The following EPHA6 variants were observed in gnomAD, a reference collection of about 807,000 sequenced individuals.
The protein encoded by EPHA6 is ephrin type-A receptor 6.
A neutral mutation model predicts 112.0 loss-of-function variants in EPHA6; 50 were observed. That is an observed-to-expected ratio of 0.45 (90% CI 0.36 to 0.56). The LOEUF is 0.56. Ranked by LOEUF, EPHA6 falls within the 20% of genes least tolerant of loss-of-function variation. The pLI is 0.00. For missense variants in EPHA6, 1,280 were observed against 1,417.4 expected, an observed-to-expected ratio of 0.90 and a Z score of 1.56; for synonymous variants, 529 against 490.7, an observed-to-expected ratio of 1.08 and a Z score of -1.03.
intron 1 of EPHA6, among the ~76,000 whole-genome samples, chr3:96,817,461 T>C (rs1040878060): frequency 2.0e-5 from 3 of 151,882 alleles, no homozygotes; most frequent in African/African-American, 7.2e-5. Flanking sequence ...CATGGAAAGA[T>C]AAATGTAAAA....
At chr3:97,095,198 C>T (rs535093346) in intron 3 of EPHA6, among the ~76,000 whole-genome samples, 71 of 151,876 alleles carry the variant, frequency 4.7e-4, no homozygotes, top group African/African-American at 8.2e-4. Flanking sequence ...TTTTAATGAT[C>T]GCCATTCTAA....
chr3:97,249,674 C>A (rs924973158), intron 5 of EPHA6, among the ~76,000 whole-genome samples: 1 of 152,084 alleles, frequency 6.6e-6, no homozygotes, highest in Non-Finnish European at 1.5e-5. Flanking sequence ...ATTTGCCTTT[C>A]CACCAATATG....
Position 97,592,738 on chromosome 3 carries a change from G to A in EPHA6, c.2512+1G>A. The stretch of plus-strand genomic sequence containing the variant: ...TCTTTGCCCCCCAGGATTCCTGCTG[G>A]TAGGTATTTCAGGTGAAGTTTTCTG... On this transcript the variant is annotated splice_donor_variant, in intron 12 of 17. Coordinates refer to ENST00000389672, the MANE Select transcript of EPHA6 (RefSeq NM_001080448.3). LOFTEE classifies it high-confidence loss of function. The A allele has an allele frequency of 6.3e-7, 1 of 1,585,386 alleles. No homozygotes were observed.
rs1450678688 is a variant in EPHA6, at chr3:97,592,618, T to C, written c.2393T>C (p.Phe798Ser). 1 of 1,612,996 alleles carries C rather than the reference T, an allele frequency of 6.2e-7. No individual in the cohort carries two copies. The highest frequency in any genetic ancestry group is 1.1e-5 in the South Asian group (1 of 91,048). The stretch of plus-strand genomic sequence containing the variant: ...AATTTTTATCTCTTAAAAGGATCCT[T>C]CCCGGCCATTGGGGTGGAGGCGTTT... ...RLEGVVTKRS[F>S]PAIGVEAFCP... Residue 798 changes from phenylalanine (F) to serine (S), a missense_variant, in exon 12 of 18, where the codon TTC becomes TCC. Physicochemically the swap from Phe to Ser is radical, Grantham distance 155. Around this residue, in one of 4 missense-constraint regions of EPHA6, gnomAD observed 878 missense variants for 999.7 expected, o/e 0.88. Coordinates refer to ENST00000389672, the MANE Select transcript of EPHA6 (RefSeq NM_001080448.3).
intron 16 of EPHA6, among the ~76,000 whole-genome samples, chr3:97,738,011 G>A (rs951265762): frequency 2.0e-5 from 3 of 152,050 alleles, no homozygotes; most frequent in Admixed American, 2.0e-4. Flanking sequence ...AATAAAACAT[G>A]AAATGTCTCC....
intron 5 of EPHA6, among the ~76,000 whole-genome samples, chr3:97,303,931 A>G (rs927730234): frequency 7.2e-5 from 11 of 151,946 alleles, no homozygotes; most frequent in Non-Finnish European, 1.2e-4. Flanking sequence ...GCAGTGATTT[A>G]TAGCTCTTCT....
chr3:97,177,955 A>G (rs1202903109), intron 3 of EPHA6, among the ~76,000 whole-genome samples: 4 of 151,966 alleles, frequency 2.6e-5, no homozygotes, highest in African/African-American at 7.2e-5. Context: ...ATTCAATGTT[A>G]TTATTGATAA....
At position 97,471,565 on chromosome 3, in the gene EPHA6, C is replaced by G. The variant is rs539202723; in HGVS notation, c.1895-3787C>G. On this transcript the variant is annotated intron_variant, in intron 7 of 17. Transcript: ENST00000389672. ...TGGTAAAATGTAGCAGTCTGAATTCCCTAGTAGCTTCTACCTCCCAGAAAG... is the reference window on the plus strand; with the variant it reads ...TGGTAAAATGTAGCAGTCTGAATTCGCTAGTAGCTTCTACCTCCCAGAAAG... 7.9e-5 allele frequency among the ~76,000 whole-genome samples: 12 copies of G among 151,750 alleles called. No homozygotes were observed. The South Asian group carries it at 2.5e-3, about 31-fold the overall frequency.
intron 1 of EPHA6, among the ~76,000 whole-genome samples, chr3:96,826,794 C>T (rs2033690507): frequency 6.6e-6 from 1 of 152,028 alleles, no homozygotes; most frequent in Non-Finnish European, 1.5e-5. Context: ...AGTTTTTTCA[C>T]TTTTCTTTTC....
chr3:97,261,335 TGA>T (rs1284319631), intron 5 of EPHA6, among the ~76,000 whole-genome samples: 2 of 152,180 alleles, frequency 1.3e-5, no homozygotes, highest in African/African-American at 4.8e-5. Context: ...GTGAGAGGTT[TGA>T]GAGTCAGATA....
chr3:97,028,671 A>G (rs1308575773), intron 3 of EPHA6, among the ~76,000 whole-genome samples: 1 of 152,054 alleles, frequency 6.6e-6, no homozygotes, highest in Non-Finnish European at 1.5e-5. Context: ...TAAAGCTGGA[A>G]AATCATTATT....
chr3:97,221,308 CAAAAAAAAAA>C (rs57025573), intron 3 of EPHA6, among the ~76,000 whole-genome samples: 11 of 16,402 alleles, frequency 6.7e-4, no homozygotes, highest in Middle Eastern at 0.12. Flanking sequence ...GACTCTGTCT[CAAAAAAAAAA>C]AAAAAAAAAA....
At position 97,009,209 on chromosome 3, in the gene EPHA6, G is replaced by GA. The variant is rs143283376; in HGVS notation, c.1114+21219dup. ...CTGGATTCCTCAGAACTACCAAGAG[G>GA]AAAGGCTAAGTCTGCTGCTCTACAG... On this transcript the variant is annotated intron_variant, in intron 3 of 17. Transcript: ENST00000389672. 5.6e-3 allele frequency among the ~76,000 whole-genome samples: 849 copies of GA among 152,244 alleles called. 7 individuals are homozygous for GA. Among genetic ancestry groups the GA allele is most frequent in the African/African-American group, 0.02 (827 of 41,554 alleles).
intron 3 of EPHA6, among the ~76,000 whole-genome samples, chr3:97,060,040 G>C (rs1392366659): frequency 3.3e-5 from 5 of 152,094 alleles, no homozygotes; most frequent in Non-Finnish European, 4.4e-5. Flanking sequence ...AGAATCACTG[G>C]AAGCCGGGAG....
chr3:96,845,911 G>A lies in EPHA6; in HGVS notation c.386-20914G>A, dbSNP rs567729825. On this transcript the variant is annotated intron_variant, in intron 1 of 17. Coordinates refer to ENST00000389672, the MANE Select transcript of EPHA6 (RefSeq NM_001080448.3). ...GTATTAGAACATCTATTTGAAATATGGGGGATGAATCCACCCATATTTAGA... is the reference window on the plus strand; with the variant it reads ...GTATTAGAACATCTATTTGAAATATAGGGGATGAATCCACCCATATTTAGA... 3.9e-5 allele frequency among the ~76,000 whole-genome samples: 6 copies of A among 151,952 alleles called. No individual in the cohort carries two copies. In the South Asian group the frequency reaches 1.0e-3, roughly 26 times the overall value.
chr3:97,152,700 A>G (rs1032771770), intron 3 of EPHA6, among the ~76,000 whole-genome samples: 64 of 152,200 alleles, frequency 4.2e-4, no homozygotes, highest in African/African-American at 1.5e-3. Context: ...TAAAGCCAAC[A>G]ATGAGAATGG....
At chr3:96,995,492 T>A (rs1270432905) in intron 3 of EPHA6, among the ~76,000 whole-genome samples, 1 of 152,034 alleles carries the variant, frequency 6.6e-6, no homozygotes, top group African/African-American at 2.4e-5. Flanking sequence ...GAATGTGAAA[T>A]CAAGAATCCT....
At chr3:97,532,848 A>G (rs2092711148) in intron 11 of EPHA6, among the ~76,000 whole-genome samples, 1 of 152,066 alleles carries the variant, frequency 6.6e-6, no homozygotes, top group African/African-American at 2.4e-5. Flanking sequence ...CAATAGTAAC[A>G]GAACAAACAC....
intron 5 of EPHA6, among the ~76,000 whole-genome samples, chr3:97,342,717 C>T (rs116611408): frequency 0.02 from 3,083 of 152,220 alleles, 100 homozygotes; most frequent in African/African-American, 0.07. Context: ...CTCTCTTTCT[C>T]TCTCTGTGTC....
Sources: gnomAD v4.1 joint callset for allele counts (sites outside exome capture counted in the v4.1 genomes callset) on GRCh38, gnomAD v4.1.1 for gene constraint, gnomAD v4.1.1 regional missense constraint, MANE v1.5 for transcripts, NCBI Gene and HGNC (gene_info 2026-07-23, HGNC 2026-07-21) for gene names.